Variants in PCDH7 observed in about 807,000 individuals in gnomAD.
The protein encoded by PCDH7 is protocadherin 7, also known as protocadherin-7.
Under a neutral mutation model 58.9 loss-of-function variants are expected in PCDH7, and 17 were observed. The observed-to-expected ratio is 0.29, with a 90% confidence interval of 0.20 to 0.43. The LOEUF is 0.43. Among genes scored for constraint, PCDH7 ranks in the 20% least tolerant of loss-of-function variants. The probability of loss-of-function intolerance (pLI) is 1.00; values close to 1 mark genes in which losing one functional copy is unlikely to be tolerated. For synonymous variants in PCDH7, 664 were observed against 616.4 expected (o/e 1.08, Z -1.14); for missense variants, 1,274 against 1,441.0 (o/e 0.88, Z 1.88).
intron 1 of PCDH7, among the ~76,000 whole-genome samples, chr4:30,814,035 T>G (rs576606162): frequency 7.9e-5 from 12 of 152,324 alleles, no homozygotes; most frequent in African/African-American, 2.9e-4. Context: ...ATCCCATCTT[T>G]GTACTATTAT....
chr4:31,041,540 C>T (rs1376373618), intron 3 of PCDH7, among the ~76,000 whole-genome samples: 2 of 152,048 alleles, frequency 1.3e-5, no homozygotes, highest in African/African-American at 4.8e-5. Context: ...AAGCAAAATC[C>T]TGAAGGAGCA....
chr4:30,995,446 A>G (rs925145138), intron 3 of PCDH7, among the ~76,000 whole-genome samples: 3 of 151,582 alleles, frequency 2.0e-5, no homozygotes, highest in African/African-American at 4.9e-5. Flanking sequence ...CGAGAGGTGG[A>G]GCTTGCAGTG....
chr4:31,003,421 CT>C (rs1295502675), intron 3 of PCDH7, among the ~76,000 whole-genome samples: 8 of 151,816 alleles, frequency 5.3e-5, no homozygotes, highest in African/African-American at 1.9e-4. Flanking sequence ...CCCTGTACTC[CT>C]TCTAGTCCTC....
chr4:30,846,934 G>A (rs559346650), intron 1 of PCDH7, among the ~76,000 whole-genome samples: 15 of 151,976 alleles, frequency 9.9e-5, no homozygotes, highest in Admixed American at 5.9e-4. Context: ...GACCAGCCTG[G>A]GCAACATGAC....
chr4:31,001,100 T>G (rs1752330461), intron 3 of PCDH7, among the ~76,000 whole-genome samples: 1 of 152,018 alleles, frequency 6.6e-6, no homozygotes. Context: ...TTTCAATGAT[T>G]ACAGTAAGGA....
intron 1 of PCDH7, among the ~76,000 whole-genome samples, chr4:30,909,132 C>G (rs896816165): frequency 1.3e-5 from 2 of 152,202 alleles, no homozygotes; most frequent in South Asian, 2.1e-4. Flanking sequence ...ATTCAACACC[C>G]CTTCATGCTA....
At chr4:31,093,359 G>T (rs1713513984) in intron 3 of PCDH7, among the ~76,000 whole-genome samples, 1 of 152,218 alleles carries the variant, frequency 6.6e-6, no homozygotes, top group Admixed American at 6.6e-5. Context: ...TCTGTTGTTT[G>T]CATTACTCCT....
chr4:30,748,580 G>A (rs974080170), intron 1 of PCDH7, among the ~76,000 whole-genome samples: 1 of 152,136 alleles, frequency 6.6e-6, no homozygotes, highest in African/African-American at 2.4e-5. Flanking sequence ...CTCTTTGTGA[G>A]ATGAATATCC....
chr4:31,035,216 G>T (rs907798969), intron 3 of PCDH7, among the ~76,000 whole-genome samples: 1 of 149,202 alleles, frequency 6.7e-6, no homozygotes, highest in African/African-American at 2.5e-5. Flanking sequence ...TATGACCTCA[G>T]CAAGCATCTA....
rs536977120 is a variant in PCDH7, at chr4:30,800,961, G to T, written c.70+76365G>T. Among the ~76,000 whole-genome samples the T allele has an allele frequency of 3.3e-5, 5 of 152,302 alleles. No homozygotes were observed. The South Asian group carries it at 6.2e-4, about 19-fold the overall frequency. ...ACAAAATACCTGTTTTGGGAAGTTG[G>T]CTCTGCTGATAGAGTGGAGGGCAGT... On this transcript the variant is annotated intron_variant, in intron 1 of 3. Coordinates refer to the PCDH7 transcript ENST00000509759.
chr4:31,013,290 A>C (rs58441575), intron 3 of PCDH7, among the ~76,000 whole-genome samples: 16,958 of 140,022 alleles, frequency 0.12, 2,659 homozygotes, highest in African/African-American at 0.34. Context: ...CTATGTGTAC[A>C]TATATCTAAG....
chr4:30,807,800 C>T (rs1201305236), intron 1 of PCDH7, among the ~76,000 whole-genome samples: 1 of 151,496 alleles, frequency 6.6e-6, no homozygotes, highest in Non-Finnish European at 1.5e-5. Context: ...TTTCAAAATT[C>T]TCATTGATAG....
intron 3 of PCDH7, among the ~76,000 whole-genome samples, chr4:31,108,908 C>T (rs550552455): frequency 1.3e-5 from 2 of 152,236 alleles, no homozygotes; most frequent in East Asian, 1.9e-4. Context: ...TATTTCTTCT[C>T]ACCTGAGCCA....
rs1298716635 is a variant in PCDH7 at position 30,720,723 on chromosome 4, C to A, written c.-700C>A. 6.6e-6 allele frequency: 1 copy of A among 152,466 alleles called. No individual in the cohort carries two copies. The highest frequency in any genetic ancestry group is 1.5e-5 in the Non-Finnish European group (1 of 68,256). The allele number at this position is 152,466 out of a possible 1,614,324, so 9.4% of individuals were successfully genotyped here. A position where few individuals can be genotyped will look rare whatever the true frequency, so the allele number is the denominator to read the frequency against. On this transcript the variant is annotated 5_prime_UTR_variant, in exon 1 of 2. Transcript: ENST00000361762. The surrounding 1 kb of genome is among the most constrained non-coding windows in gnomAD (Gnocchi z 4.7). The stretch of plus-strand genomic sequence containing the variant: ...CTCCCCTGCACCGTGCCCGAAGCGA[C>A]GTGCCGGGGGATTTTTCATTCTCGA...
intron 3 of PCDH7, among the ~76,000 whole-genome samples, chr4:30,951,379 T>C (rs1209868401): frequency 6.6e-6 from 1 of 152,182 alleles, no homozygotes; most frequent in African/African-American, 2.4e-5. Context: ...TTTAGAAATG[T>C]ATGGCTTTCT....
At chr4:30,993,703 ATACTT>A (rs1054017463) in intron 3 of PCDH7, among the ~76,000 whole-genome samples, 8 of 152,304 alleles carry the variant, frequency 5.3e-5, no homozygotes, top group African/African-American at 1.7e-4. Context: ...ATAGGAAAAA[ATACTT>A]TAAGAGATTT....
intron 2 of PCDH7, among the ~76,000 whole-genome samples, chr4:30,938,647 A>C (rs968148522): frequency 2.0e-5 from 3 of 152,170 alleles, no homozygotes; most frequent in African/African-American, 7.2e-5. Context: ...CAATTGTTTC[A>C]TACATTACAA....
intron 1 of PCDH7, among the ~76,000 whole-genome samples, chr4:30,786,237 A>C (rs1181967532): frequency 6.6e-6 from 1 of 152,094 alleles, no homozygotes; most frequent in African/African-American, 2.4e-5. Flanking sequence ...TAATGATTGC[A>C]TTAAGAGACT....
intron 1 of PCDH7, among the ~76,000 whole-genome samples, chr4:30,794,407 A>G (rs1278194465): frequency 1.3e-5 from 2 of 152,182 alleles, no homozygotes; most frequent in Admixed American, 6.5e-5. Flanking sequence ...TTGAATTTGT[A>G]TAATACAGTA....
Sources: allele counts gnomAD v4.1 joint callset (sites outside exome capture counted in the v4.1 genomes callset), GRCh38; gene constraint gnomAD v4.1.1; non-coding constraint Gnocchi (gnomAD v3.1); transcripts MANE v1.5; gene names NCBI Gene and HGNC (gene_info 2026-07-23, HGNC 2026-07-21).